DCLK1: variants seen among roughly 807,000 people sequenced by gnomAD.
The protein encoded by DCLK1 is doublecortin like kinase 1.
In DCLK1, 16 loss-of-function variants were observed where a neutral mutation model predicts 86.2. The observed-to-expected ratio is 0.19, with a 90% confidence interval of 0.13 to 0.28. The LOEUF (loss-of-function observed/expected upper bound fraction) is 0.28, where lower values mean the gene tolerates loss of function less well. Among genes scored for constraint, DCLK1 ranks in the 10% least tolerant of loss-of-function variants. The pLI is 1.00. For missense variants in DCLK1, 590 were observed against 940.2 expected (o/e 0.63, Z 4.87); for synonymous variants, 369 against 370.5 (o/e 1.00, Z 0.05).
intron 3 of DCLK1, among the ~76,000 whole-genome samples, chr13:36,006,087 A>T (rs926823670): frequency 6.6e-6 from 1 of 152,092 alleles, no homozygotes; most frequent in Admixed American, 6.6e-5. Context: ...AACCTAGATG[A>T]CGGGTTGATG....
chr13:36,044,263 T>C (rs915712985), intron 3 of DCLK1, among the ~76,000 whole-genome samples: 4 of 152,216 alleles, frequency 2.6e-5, no homozygotes, highest in African/African-American at 7.2e-5. Flanking sequence ...TGCAAAATCA[T>C]GAGCCAAATA....
chr13:36,084,547 G>C (rs535563521), intron 3 of DCLK1, among the ~76,000 whole-genome samples: 1 of 152,230 alleles, frequency 6.6e-6, no homozygotes, highest in Non-Finnish European at 1.5e-5. Flanking sequence ...TAAAGGAGGG[G>C]GACAAAAGCC....
chr13:36,130,063 T>A (rs1886309866), intron 1 of DCLK1, among the ~76,000 whole-genome samples: 1 of 152,126 alleles, frequency 6.6e-6, no homozygotes, highest in South Asian at 2.1e-4. Context: ...TGGACTGGCA[T>A]GAAATAAAAC....
intron 10 of DCLK1, among the ~76,000 whole-genome samples, chr13:35,825,440 A>T (rs2087497680): frequency 6.6e-6 from 1 of 152,190 alleles, no homozygotes; most frequent in Admixed American, 6.5e-5. Flanking sequence ...TCACAAAGGC[A>T]GTTAAGTGCA....
chr13:35,916,726 A>G (rs1052985908), intron 4 of DCLK1, among the ~76,000 whole-genome samples: 23 of 152,086 alleles, frequency 1.5e-4, no homozygotes, highest in African/African-American at 5.3e-4. Flanking sequence ...TACATATTAC[A>G]TATGTGATGG....
At chr13:35,835,865 A>G (rs1237308780) in intron 8 of DCLK1, among the ~76,000 whole-genome samples, 168 bp downstream of exon 8, 1 of 152,236 alleles carries the variant, frequency 6.6e-6, no homozygotes. Context: ...TACATTTTTC[A>G]AATCTGTTGT....
intron 3 of DCLK1, among the ~76,000 whole-genome samples, chr13:36,042,183 C>T (rs952998281): frequency 6.6e-6 from 1 of 152,160 alleles, no homozygotes; most frequent in Admixed American, 6.6e-5. Flanking sequence ...AGTTTTACAT[C>T]CTGATTGAGG....
intron 4 of DCLK1, among the ~76,000 whole-genome samples, chr13:35,938,855 ACT>A (rs1041906935): frequency 6.6e-6 from 1 of 152,122 alleles, no homozygotes; most frequent in African/African-American, 2.4e-5. Flanking sequence ...AATTCATGTC[ACT>A]GTTACTGAAT....
At chr13:36,099,480 T>G (rs913621268) in intron 3 of DCLK1, among the ~76,000 whole-genome samples, 1 of 152,148 alleles carries the variant, frequency 6.6e-6, no homozygotes, top group Non-Finnish European at 1.5e-5. Context: ...TCTCTAGTAA[T>G]GAAACTTGCA....
At chr13:36,070,889 C>G (rs901883159) in intron 3 of DCLK1, among the ~76,000 whole-genome samples, 12 of 152,114 alleles carry the variant, frequency 7.9e-5, no homozygotes, top group Admixed American at 3.3e-4. Context: ...AGGCAATCCA[C>G]CCACCTCAGC....
Position 35,967,037 on chromosome 13 carries a change from G to A in DCLK1, c.724-19580C>T, listed in dbSNP as rs528716270. On this transcript the variant is annotated intron_variant, in intron 3 of 16. Transcript: ENST00000360631. ...AAGTGAGGAGCGCCTCTTCCTGGCCGTCATCCCGTCTAGGAAGTGAGGAGC... is the reference window on the plus strand; with the variant it reads ...AAGTGAGGAGCGCCTCTTCCTGGCCATCATCCCGTCTAGGAAGTGAGGAGC... Among the ~76,000 whole-genome samples the A allele has an allele frequency of 1.9e-4, 29 of 151,674 alleles. 1 individual carries two copies. The East Asian group carries it at 3.2e-3, about 17-fold the overall frequency.
At chr13:35,875,587 A>G (rs1053514400) in intron 4 of DCLK1, among the ~76,000 whole-genome samples, 1 of 152,232 alleles carries the variant, frequency 6.6e-6, no homozygotes, top group African/African-American at 2.4e-5. Context: ...TAGGTATTTC[A>G]TTAAGTTTTT....
intron 6 of DCLK1, among the ~76,000 whole-genome samples, chr13:35,842,183 C>G (rs185078443): frequency 3.8e-5 from 5 of 132,368 alleles, no homozygotes; most frequent in African/African-American, 5.7e-5. Flanking sequence ...GAGCCGAGAT[C>G]GCGCCACTGC....
At chr13:35,822,592 A>C in intron 11 of DCLK1, 137 bp downstream of exon 11, 2 of 1,257,716 alleles carry the variant, frequency 1.6e-6, no homozygotes, top group Non-Finnish European at 2.2e-6. Flanking sequence ...CTAGTTTCCA[A>C]CTAGCTCCTG....
chr13:36,039,677 C>CAA (rs988763500), intron 3 of DCLK1, among the ~76,000 whole-genome samples: 1 of 151,228 alleles, frequency 6.6e-6, no homozygotes, highest in African/African-American at 2.4e-5. Context: ...TTCTATCTTC[C>CAA]AAAACTAAGC....
At chr13:35,923,250 C>T (rs1457256524) in intron 4 of DCLK1, among the ~76,000 whole-genome samples, 1 of 152,070 alleles carries the variant, frequency 6.6e-6, no homozygotes, top group Non-Finnish European at 1.5e-5. Flanking sequence ...AGACGGGGGT[C>T]TCAGGACTCA....
chr13:35,963,329 A>G (rs1878558306), intron 3 of DCLK1, among the ~76,000 whole-genome samples: 1 of 152,198 alleles, frequency 6.6e-6, no homozygotes, highest in African/African-American at 2.4e-5. Context: ...GAGCTTGTAC[A>G]GGTAGTATAG....
chr13:35,815,179 T>C (rs1251035042), intron 11 of DCLK1, among the ~76,000 whole-genome samples: 1 of 152,242 alleles, frequency 6.6e-6, no homozygotes, highest in Non-Finnish European at 1.5e-5. Context: ...TTGCATTAGC[T>C]ACAACTTACT....
chr13:35,791,729 A>T (rs1227809054), intron 16 of DCLK1, among the ~76,000 whole-genome samples: 1 of 152,208 alleles, frequency 6.6e-6, no homozygotes, highest in African/African-American at 2.4e-5. Context: ...CCAAAGACTG[A>T]TTAAAATAAA....
Sources: gnomAD v4.1 joint callset for allele counts (sites outside exome capture counted in the v4.1 genomes callset) on GRCh38, gnomAD v4.1.1 for gene constraint, MANE v1.5 for transcripts, NCBI Gene and HGNC (gene_info 2026-07-23, HGNC 2026-07-21) for gene names.